The following SMG7 variants were observed in gnomAD, a reference collection of about 807,000 sequenced individuals.
SMG7 encodes nonsense-mediated mRNA decay factor SMG7.
A neutral mutation model predicts 148.2 loss-of-function variants in SMG7; 34 were observed. The observed-to-expected ratio is 0.23, with a 90% CI of 0.17 to 0.31. The LOEUF is 0.31. Ranked by LOEUF, SMG7 falls within the 10% of genes least tolerant of loss-of-function variation. SMG7 has a pLI of 1.00. For synonymous variants in SMG7, 492 were observed against 515.1 expected (o/e 0.96, Z 0.61); for missense variants, 1,114 against 1,408.4 (o/e 0.79, Z 3.35).
Position 183,515,951 on chromosome 1 carries a change from G to A in SMG7, c.139G>A (p.Asp47Asn), listed in dbSNP as rs1018232557. The change falls in exon 3 of 23, where the codon GAT becomes AAT. Residue 47 changes from aspartate to asparagine, a missense_variant. Transcript: ENST00000688051. ...QDLYQKMLVT[D>N]LEYALDKKVE... ...CCTGTACCAGAAAATGCTAGTTACC[G>A]ATTTGGAATACGCTTTAGACAAGAA... 8.1e-6 allele frequency: 13 copies of A among 1,612,836 alleles called. No individual in the cohort carries two copies. The highest frequency in any genetic ancestry group is 2.2e-5 in the East Asian group (1 of 44,832).
At chr1:183,506,443 T>C (rs1470075047) in intron 1 of SMG7, among the ~76,000 whole-genome samples, 2 of 152,192 alleles carry the variant, frequency 1.3e-5, no homozygotes, top group Non-Finnish European at 2.9e-5. Flanking sequence ...TGATTAATAT[T>C]GCGAGACTTG....
At chr1:183,521,072 CT>C (rs762401861) in intron 4 of SMG7, among the ~76,000 whole-genome samples, 3,050 of 133,198 alleles carry the variant, frequency 0.023, 78 homozygotes, top group African/African-American at 0.064. Context: ...TTTTCACTTG[CT>C]TTTTTTTTTT....
intron 8 of SMG7, among the ~76,000 whole-genome samples, chr1:183,531,793 A>T (rs1003409656): frequency 6.6e-6 from 1 of 152,176 alleles, no homozygotes; most frequent in African/African-American, 2.4e-5. Context: ...GCTTGTAAGA[A>T]ACTGCTTTTT....
chr1:183,529,177 T>C, intron 7 of SMG7, 135 bp downstream of exon 7: 1 of 981,680 alleles, frequency 1.0e-6, no homozygotes, highest in Non-Finnish European at 1.5e-6. Context: ...TTTTCATAAT[T>C]TGTGTATAGT....
intron 6 of SMG7, 69 bp from the exon 7 acceptor site, chr1:183,528,823 C>A: frequency 7.5e-7 from 1 of 1,326,130 alleles, no homozygotes; most frequent in Non-Finnish European, 1.1e-6. Flanking sequence ...AAACACTGAT[C>A]ATTTGTATTC....
In SMG7 at chr1:183,551,961, T is replaced by C. The variant is rs772192374; in HGVS notation, c.*30T>C. The C allele has an allele frequency of 2.5e-6, 4 of 1,609,504 alleles. No homozygotes were observed. Among genetic ancestry groups the C allele is most frequent in the Non-Finnish European group, 3.4e-6 (4 of 1,177,360 alleles). The stretch of plus-strand genomic sequence containing the variant: ...AAAGTGGCAACCTGGGAATGAAGGC[T>C]CCATAAACCATGGCATGTTGGGTTT... On this transcript the variant is annotated 3_prime_UTR_variant, in exon 23 of 23. Transcript: ENST00000688051.
intron 2 of SMG7, among the ~76,000 whole-genome samples, chr1:183,515,144 T>C (rs1663184192): frequency 6.6e-6 from 1 of 152,188 alleles, no homozygotes; most frequent in African/African-American, 2.4e-5. Flanking sequence ...TTATGTGTAG[T>C]CATAGCCTGA....
chr1:183,473,669 C>A, intron 1 of SMG7: 2 of 836,152 alleles, frequency 2.4e-6, no homozygotes, highest in Non-Finnish European at 2.9e-6. Context: ...TGGGGAGTGA[C>A]TACTGCTTAG....
At position 183,549,913 on chromosome 1, in the gene SMG7, T is replaced by G. The variant is rs1281796203; in HGVS notation, c.3123T>G (p.Pro1041=). 6.2e-7 allele frequency: 1 copy of G among 1,613,350 alleles called. No homozygotes were observed. Among genetic ancestry groups the G allele is most frequent in the Admixed American group, 1.7e-5 (1 of 60,012 alleles). Residue 1041 remains proline (P), a synonymous_variant, in exon 20 of 23, where the codon CCT becomes CCG. Transcript: ENST00000688051. ...FEGTPWSPSL[P]ASSDHSTPAS... The stretch of plus-strand genomic sequence containing the variant: ...GGACTCCGTGGTCTCCATCACTTCC[T>G]GCCAGTTCAGGTATTAACTACTCTT...
At chr1:183,539,422 T>C (rs1294684935) in intron 12 of SMG7, among the ~76,000 whole-genome samples, 2 of 152,234 alleles carry the variant, frequency 1.3e-5, no homozygotes, top group African/African-American at 2.4e-5. Flanking sequence ...CTGAATGTTG[T>C]TGTTTTCCAG....
At chr1:183,525,725 C>G (rs1665704678) in intron 4 of SMG7, among the ~76,000 whole-genome samples, 1 of 151,882 alleles carries the variant, frequency 6.6e-6, no homozygotes, top group Non-Finnish European at 1.5e-5. Context: ...TTAGCTCTGA[C>G]TAGGAAGAAG....
intron 10 of SMG7, among the ~76,000 whole-genome samples, chr1:183,534,294 T>G (rs1667355476): frequency 6.6e-6 from 1 of 152,238 alleles, no homozygotes; most frequent in Non-Finnish European, 1.5e-5. Context: ...AAAGTTATTT[T>G]GATTCTCACC....
rs1408024713 is a variant in SMG7, at chr1:183,544,414, C to T, written c.1904C>T (p.Thr635Ile). Residue 635 changes from threonine to isoleucine, a missense_variant, in exon 15 of 23, where the codon ACT (threonine) becomes ATT (isoleucine). Physicochemically the swap from Thr to Ile is moderately conservative, Grantham distance 89. Coordinates refer to ENST00000688051, the MANE Select transcript of SMG7 (RefSeq NM_001375584.1). Reference protein sequence around the residue: ...PVSEARKTPVTQTPTQASNSQ... With the variant: ...PVSEARKTPVIQTPTQASNSQ... ...TCTGAAGCCAGAAAAACACCTGTAA[C>T]TCAAACCCCAACTCAAGCAAGTAAC... 1.2e-6 allele frequency: 2 copies of T among 1,613,918 alleles called. No homozygotes were observed. The highest frequency in any genetic ancestry group is 1.7e-6 in the Non-Finnish European group (2 of 1,179,844).
At chr1:183,508,304 C>G (rs923587061) in intron 1 of SMG7, 5 of 161,564 alleles carry the variant, frequency 3.1e-5, no homozygotes, top group African/African-American at 9.6e-5. Context: ...AAGCAGTCCT[C>G]CCACCTCAGG....
chr1:183,481,455 A>G (rs1036066640), intron 1 of SMG7, among the ~76,000 whole-genome samples: 2 of 152,104 alleles, frequency 1.3e-5, no homozygotes, highest in African/African-American at 2.4e-5. Context: ...CTTTTTTTAT[A>G]TGTGACTTAT....
intron 1 of SMG7, among the ~76,000 whole-genome samples, chr1:183,480,327 G>A (rs769683816): frequency 3.3e-5 from 5 of 152,020 alleles, no homozygotes; most frequent in South Asian, 2.1e-4. Context: ...TTATGGCCAA[G>A]CGTTTCAAGT....
chr1:183,491,048 G>A (rs1656838498), intron 1 of SMG7, among the ~76,000 whole-genome samples: 1 of 152,206 alleles, frequency 6.6e-6, no homozygotes. Context: ...GATTACAGGC[G>A]TGAGCTGCCA....
intron 1 of SMG7, among the ~76,000 whole-genome samples, chr1:183,496,489 A>G (rs1425120435): frequency 6.6e-6 from 1 of 152,170 alleles, no homozygotes; most frequent in Admixed American, 6.5e-5. Context: ...TTTTAACCTC[A>G]GTTCCTATCC....
rs183321894 is a variant in SMG7 at position 183,501,021 on chromosome 1, G to A, written c.30-11816G>A. On this transcript the variant is annotated intron_variant, in intron 1 of 22. Coordinates refer to ENST00000688051, the MANE Select transcript of SMG7 (RefSeq NM_001375584.1). ...ACATATTTGAAATTTCTCCTAAGAC[G>A]TATTTTATTGTGAAGAATTATGAAA... The A allele has an allele frequency of 7.2e-5, 11 of 152,244 alleles. No homozygotes were observed. The East Asian group carries it at 1.9e-3, about 27-fold the overall frequency. The allele number at this position is 152,244 out of a possible 1,614,324, so 9.4% of individuals were successfully genotyped here.
Sources: gnomAD v4.1 joint callset for allele counts (sites outside exome capture counted in the v4.1 genomes callset) on GRCh38, gnomAD v4.1.1 for gene constraint, MANE v1.5 for transcripts, NCBI Gene and HGNC (gene_info 2026-07-23, HGNC 2026-07-21) for gene names.